Variants in SLC22A4 observed in about 807,000 individuals in gnomAD.
SLC22A4 encodes the protein ET transporter.
A neutral mutation model predicts 56.6 loss-of-function variants in SLC22A4; 39 were observed. That is an observed-to-expected ratio of 0.69 (90% CI 0.53 to 0.90). The LOEUF (loss-of-function observed/expected upper bound fraction) is 0.90, where lower values mean the gene tolerates loss of function less well. Ranked by LOEUF, SLC22A4 falls within the 40% of genes least tolerant of loss-of-function variation. The pLI, the probability that SLC22A4 is intolerant of heterozygous loss-of-function variation, is 0.00. For synonymous variants in SLC22A4, 241 were observed against 281.4 expected (o/e 0.86, Z 1.44); for missense variants, 594 against 696.5 (o/e 0.85, Z 1.66).
intron 1 of SLC22A4, among the ~76,000 whole-genome samples, chr5:132,305,225 G>A (rs1749997494): frequency 6.6e-6 from 1 of 152,104 alleles, no homozygotes; most frequent in Admixed American, 6.5e-5. Context: ...TGGAAATTAT[G>A]CAATCCAAAG....
intron 1 of SLC22A4, among the ~76,000 whole-genome samples, chr5:132,305,312 T>A (rs992735248): frequency 2.0e-5 from 3 of 151,974 alleles, no homozygotes; most frequent in Non-Finnish European, 4.4e-5. Flanking sequence ...CATAGCAATA[T>A]ATGCATAATA....
chr5:132,341,602 G>T (rs999969370), intron 9 of SLC22A4, among the ~76,000 whole-genome samples: 1 of 151,968 alleles, frequency 6.6e-6, no homozygotes, highest in African/African-American at 2.4e-5. Context: ...TCAGTAAAAG[G>T]TATTAGAACA....
chr5:132,340,764 G>T, intron 9 of SLC22A4, 64 bp downstream of exon 9: 1 of 1,455,684 alleles, frequency 6.9e-7, no homozygotes, highest in South Asian at 1.1e-5. Context: ...TGGAAGAATA[G>T]CTAGGAAGGT....
intron 1 of SLC22A4, among the ~76,000 whole-genome samples, chr5:132,306,513 C>A (rs1318312474): frequency 1.4e-5 from 2 of 144,142 alleles, no homozygotes; most frequent in Non-Finnish European, 3.0e-5. Flanking sequence ...GTGGTGTGAT[C>A]TCAGCTCACT....
chr5:132,324,677 T>C (rs1750639744), intron 4 of SLC22A4: 2 of 444,534 alleles, frequency 4.5e-6, no homozygotes, highest in African/African-American at 2.0e-5. Context: ...ATCAGTCTAG[T>C]GGTTGGGGTA....
chr5:132,311,761 C>A, intron 1 of SLC22A4: 1 of 281,634 alleles, frequency 3.6e-6, no homozygotes, highest in South Asian at 4.1e-5. Context: ...GCCCTTTGGG[C>A]TTTTCAAACA....
At chr5:132,328,848 C>T (rs1315331199) in intron 5 of SLC22A4, among the ~76,000 whole-genome samples, 1 of 148,876 alleles carries the variant, frequency 6.7e-6, no homozygotes, top group African/African-American at 2.6e-5. Context: ...TACACACACA[C>T]ACACACACAC....
chr5:132,295,607 C>T, intron 1 of SLC22A4: 1 of 278,672 alleles, frequency 3.6e-6, no homozygotes, highest in Non-Finnish European at 7.1e-6. Context: ...CCTCAGGGAC[C>T]TCTCTGAGCA....
At chr5:132,314,460 G>C (rs1016020613) in intron 3 of SLC22A4, among the ~76,000 whole-genome samples, 2 of 152,224 alleles carry the variant, frequency 1.3e-5, no homozygotes, top group African/African-American at 4.8e-5. Context: ...ACAGGAGTGA[G>C]AGAGTGTGTT....
intron 1 of SLC22A4, among the ~76,000 whole-genome samples, chr5:132,304,199 C>T (rs1340112242): frequency 2.0e-5 from 3 of 152,234 alleles, no homozygotes; most frequent in Non-Finnish European, 4.4e-5. Context: ...AGAGGCTTGA[C>T]GTCAACTGGA....
intron 1 of SLC22A4, among the ~76,000 whole-genome samples, chr5:132,308,482 G>A (rs950195556): frequency 1.4e-5 from 2 of 141,828 alleles, no homozygotes; most frequent in African/African-American, 5.3e-5. Flanking sequence ...TGTAAAACAA[G>A]GATAAGAGTA....
intron 8 of SLC22A4, among the ~76,000 whole-genome samples, chr5:132,339,665 CTTTCAAACTA>C (rs1751145194): frequency 6.6e-6 from 1 of 152,288 alleles, no homozygotes; most frequent in South Asian, 2.1e-4. Flanking sequence ...CTTCCCTGTA[CTTTCAAACTA>C]TTTCAAACTA....
intron 4 of SLC22A4, among the ~76,000 whole-genome samples, chr5:132,323,406 T>C (rs1435685887): frequency 1.3e-5 from 2 of 152,230 alleles, no homozygotes; most frequent in Non-Finnish European, 2.9e-5. Context: ...TCTGACGAGA[T>C]AGCGCAGGTC....
In SLC22A4 at chr5:132,294,493, C is replaced by G. The variant is rs1368812966; in HGVS notation, c.-124C>G. 14 of 1,409,396 alleles carry G rather than the reference C, an allele frequency of 9.9e-6. No individual in the cohort carries two copies. Among genetic ancestry groups the G allele is most frequent in the Non-Finnish European group, 1.4e-5 (14 of 1,022,046 alleles). The allele number at this position is 1,409,396 out of a possible 1,614,324, so 87.3% of individuals were successfully genotyped here. On this transcript the variant is annotated 5_prime_UTR_variant, in exon 1 of 10. Coordinates refer to ENST00000200652, the MANE Select transcript of SLC22A4 (RefSeq NM_003059.3). The surrounding 1 kb of genome is among the most constrained non-coding windows in gnomAD (Gnocchi z 5.6). Reference sequence around the variant, plus strand: ...GGTCCCCGGCTTCGCGCCCCAATTTCTAACAGCCTGCCTGTCCCCCGGGAA... The same window carrying G: ...GGTCCCCGGCTTCGCGCCCCAATTTGTAACAGCCTGCCTGTCCCCCGGGAA...
chr5:132,339,518 G>C (rs1209554569), intron 8 of SLC22A4, among the ~76,000 whole-genome samples: 4 of 140,938 alleles, frequency 2.8e-5, no homozygotes, highest in Non-Finnish European at 4.7e-5. Context: ...AAACATGTAT[G>C]AATTCTCAGG....
intron 3 of SLC22A4, among the ~76,000 whole-genome samples, chr5:132,315,744 C>G (rs1750331851): frequency 6.6e-6 from 1 of 152,208 alleles, no homozygotes; most frequent in Non-Finnish European, 1.5e-5. Context: ...CCTCTCAGGG[C>G]TTGCTATCAG....
chr5:132,340,432 CTTTT>C, intron 8 of SLC22A4, 129 bp from the exon 9 acceptor site: 2 of 897,814 alleles, frequency 2.2e-6, no homozygotes, highest in Non-Finnish European at 1.9e-6. Flanking sequence ...ATTTTGCTTA[CTTTT>C]TTTTCTCTGA....
At chr5:132,309,922 G>C (rs1750141376) in intron 1 of SLC22A4, among the ~76,000 whole-genome samples, 1 of 152,234 alleles carries the variant, frequency 6.6e-6, no homozygotes, top group African/African-American at 2.4e-5. Context: ...ACAAAGGAGA[G>C]CACATTATAT....
rs776844663 is a variant in SLC22A4 at position 132,322,278 on chromosome 5, T to C, written c.747T>C (p.Phe249=). 2 of 1,614,116 alleles carry C rather than the reference T, an allele frequency of 1.2e-6. No individual in the cohort carries two copies. The highest frequency in any genetic ancestry group is 1.3e-5 in the African/African-American group (1 of 75,056). ...FAVGYMLLPL[F]AYFIRDWRML... ...TTGGCTATATGCTGCTGCCACTGTT[T>C]GCTTACTTCATCAGAGACTGGCGGA... Residue 249 remains phenylalanine, a synonymous_variant, in exon 4 of 10, where the codon TTT becomes TTC. Transcript: ENST00000200652.
Sources: allele counts gnomAD v4.1 joint callset (sites outside exome capture counted in the v4.1 genomes callset), GRCh38; gene constraint gnomAD v4.1.1; non-coding constraint Gnocchi (gnomAD v3.1); transcripts MANE v1.5; gene names NCBI Gene and HGNC (gene_info 2026-07-23, HGNC 2026-07-21).